Variants in MCU observed in about 807,000 individuals in gnomAD.
The protein encoded by MCU is calcium uniporter protein, mitochondrial.
In MCU, 12 loss-of-function variants were observed where a neutral mutation model predicts 45.2. The observed-to-expected ratio is 0.27, with a 90% CI of 0.17 to 0.43. The LOEUF (loss-of-function observed/expected upper bound fraction) is 0.43, where lower values mean the gene tolerates loss of function less well. Among genes scored for constraint, MCU ranks in the 20% least tolerant of loss-of-function variants. MCU has a pLI of 1.00. For missense variants in MCU, 324 were observed against 436.7 expected, an observed-to-expected ratio of 0.74 and a Z score of 2.30; for synonymous variants, 160 against 165.1, an observed-to-expected ratio of 0.97 and a Z score of 0.24.
intron 1 of MCU, among the ~76,000 whole-genome samples, chr10:72,726,499 T>G (rs1336145410): frequency 1.3e-5 from 2 of 152,138 alleles, no homozygotes; most frequent in Admixed American, 1.3e-4. Context: ...GACATTCACT[T>G]TGTTTCCTGT....
intron 1 of MCU, among the ~76,000 whole-genome samples, chr10:72,704,563 A>C (rs892928404): frequency 6.6e-6 from 1 of 151,922 alleles, no homozygotes; most frequent in African/African-American, 2.4e-5. Flanking sequence ...CCTAGAGACA[A>C]GGTCTTCCTC....
chr10:72,826,726 T>C (rs1844803804), intron 1 of MCU, among the ~76,000 whole-genome samples: 1 of 152,220 alleles, frequency 6.6e-6, no homozygotes, highest in Admixed American at 6.5e-5. Flanking sequence ...TTTCACTTTT[T>C]GTGGTTTTCA....
intron 1 of MCU, among the ~76,000 whole-genome samples, chr10:72,820,560 G>A (rs1844695875): frequency 6.6e-6 from 1 of 151,590 alleles, no homozygotes; most frequent in Admixed American, 6.6e-5. Flanking sequence ...GCTCAGGCTG[G>A]AGTGCAATGG....
intron 1 of MCU, among the ~76,000 whole-genome samples, chr10:72,757,917 C>T (rs1011096773): frequency 2.6e-5 from 4 of 152,240 alleles, no homozygotes; most frequent in African/African-American, 4.8e-5. Flanking sequence ...TAATTCAAAG[C>T]AGTGGCTTAG....
intron 1 of MCU, among the ~76,000 whole-genome samples, chr10:72,697,422 T>G (rs569609918): frequency 1.8e-4 from 26 of 143,532 alleles, no homozygotes; most frequent in African/African-American, 6.6e-4. Flanking sequence ...CAGGCCAGAC[T>G]TCTATTTTTT....
chr10:72,879,762 C>A (rs1371213880), intron 6 of MCU, among the ~76,000 whole-genome samples: 1 of 152,114 alleles, frequency 6.6e-6, no homozygotes, highest in African/African-American at 2.4e-5. Flanking sequence ...AATGCAACAA[C>A]AGGCCGGGCT....
At chr10:72,827,332 C>T (rs896541406) in intron 1 of MCU, among the ~76,000 whole-genome samples, 5 of 152,156 alleles carry the variant, frequency 3.3e-5, no homozygotes, top group African/African-American at 1.2e-4. Flanking sequence ...CATCTCAATA[C>T]AACACGGAAT....
intron 1 of MCU, among the ~76,000 whole-genome samples, chr10:72,764,530 T>C (rs1480338045): frequency 6.6e-6 from 1 of 152,220 alleles, no homozygotes; most frequent in Non-Finnish European, 1.5e-5. Flanking sequence ...TGCCCAAATA[T>C]GTTGTTTACC....
chr10:72,723,941 A>T (rs1201498199), intron 1 of MCU, among the ~76,000 whole-genome samples: 3 of 152,238 alleles, frequency 2.0e-5, no homozygotes, highest in Non-Finnish European at 4.4e-5. Flanking sequence ...CATCTGTTTC[A>T]GATGGTATCT....
chr10:72,699,431 C>T (rs959246709), intron 1 of MCU, among the ~76,000 whole-genome samples: 9 of 151,810 alleles, frequency 5.9e-5, no homozygotes, highest in South Asian at 2.1e-4. Flanking sequence ...TGCTTGAATC[C>T]GGGAGACGGA....
chr10:72,805,090 T>C (rs929942779), intron 1 of MCU, among the ~76,000 whole-genome samples: 18 of 140,010 alleles, frequency 1.3e-4, no homozygotes, highest in African/African-American at 5.1e-4. Context: ...TCTTTCTTTC[T>C]TTCTTTCTTT....
intron 1 of MCU, among the ~76,000 whole-genome samples, chr10:72,699,537 T>C (rs1564532007): frequency 6.6e-6 from 1 of 151,296 alleles, no homozygotes; most frequent in Non-Finnish European, 1.5e-5. Context: ...ACCTTAGTGA[T>C]TAGAGTTCAG....
chr10:72,885,185 C>A (rs1845759239), intron 7 of MCU, among the ~76,000 whole-genome samples: 1 of 152,176 alleles, frequency 6.6e-6, no homozygotes, highest in African/African-American at 2.4e-5. Flanking sequence ...ACATCAGAAT[C>A]ATGCCTGGAG....
rs115138268 is a variant in MCU at position 72,796,433 on chromosome 10, A to G, written c.151-37926A>G. The stretch of plus-strand genomic sequence containing the variant: ...GAGACTCTGTCTCTAAAAAACCACA[A>G]TAACAACAACAACAAAAAACCTTTA... On this transcript the variant is annotated intron_variant, in intron 1 of 7. Transcript: ENST00000373053. Among the ~76,000 whole-genome samples, 907 of 152,344 alleles carry G rather than the reference A, an allele frequency of 6.0e-3. 12 individuals carry two copies. The highest frequency in any genetic ancestry group is 0.021 in the African/African-American group (855 of 41,572).
chr10:72,692,776 C>T (rs2132637955), intron 1 of MCU: 1 of 1,379,134 alleles, frequency 7.3e-7, no homozygotes, highest in South Asian at 1.7e-5. Flanking sequence ...TGGGAGCTGC[C>T]CCGGAGAGCA....
chr10:72,855,284 T>C (rs1001022048), intron 2 of MCU, among the ~76,000 whole-genome samples: 66 of 152,004 alleles, frequency 4.3e-4, no homozygotes, highest in African/African-American at 1.5e-3. Flanking sequence ...AATAAGTCAA[T>C]AGCAGAGATT....
chr10:72,704,122 G>T (rs1213582160), intron 1 of MCU, among the ~76,000 whole-genome samples: 1 of 152,168 alleles, frequency 6.6e-6, no homozygotes, highest in South Asian at 2.1e-4. Context: ...GGTAGGTAAC[G>T]CTGGCAGCAG....
At chr10:72,847,038 C>T (rs1354395599) in intron 2 of MCU, among the ~76,000 whole-genome samples, 1 of 152,194 alleles carries the variant, frequency 6.6e-6, no homozygotes, top group East Asian at 1.9e-4. Context: ...GTGGTGCAAA[C>T]TGGGCTCACT....
At chr10:72,716,854 C>G (rs563649478) in intron 1 of MCU, among the ~76,000 whole-genome samples, 5 of 152,210 alleles carry the variant, frequency 3.3e-5, no homozygotes, top group African/African-American at 1.2e-4. Flanking sequence ...GCCTGGATGA[C>G]AGAGCAAGAC....
Sources: gnomAD v4.1 joint callset for allele counts (sites outside exome capture counted in the v4.1 genomes callset) on GRCh38, gnomAD v4.1.1 for gene constraint, MANE v1.5 for transcripts, NCBI Gene and HGNC (gene_info 2026-07-23, HGNC 2026-07-21) for gene names.